The following RNF212 variants were observed in gnomAD, a reference collection of about 807,000 sequenced individuals.
The protein encoded by RNF212 is ring finger protein 212.
RNF212 carries 33 observed loss-of-function variants against 34.7 expected under a neutral mutation model. That is an observed-to-expected ratio of 0.95 (90% CI 0.72 to 1.27). The LOEUF is 1.27. RNF212 is among the 50% of genes most tolerant of loss of function. The pLI, the probability that RNF212 is intolerant of heterozygous loss-of-function variation, is 0.00. For synonymous variants in RNF212, 140 were observed against 136.1 expected, an observed-to-expected ratio of 1.03 and a Z score of -0.20; for missense variants, 377 against 362.2, an observed-to-expected ratio of 1.04 and a Z score of -0.33.
At chr4:1,081,341 G>C in intron 7 of RNF212, 78 bp downstream of exon 7, 1 of 1,223,480 alleles carries the variant, frequency 8.2e-7, no homozygotes, top group Non-Finnish European at 1.2e-6. Flanking sequence ...TGGAGAGGGG[G>C]TGGGGTTGGG....
At chr4:1,074,734 A>G (rs1394508330) in intron 8 of RNF212, among the ~76,000 whole-genome samples, 1 of 152,112 alleles carries the variant, frequency 6.6e-6, no homozygotes, top group Non-Finnish European at 1.5e-5. Context: ...CCTGAAGCTC[A>G]TGACCTCACT....
At chr4:1,088,681 A>C (rs1410686144) in intron 4 of RNF212, among the ~76,000 whole-genome samples, 1 of 152,214 alleles carries the variant, frequency 6.6e-6, no homozygotes, top group East Asian at 1.9e-4. Context: ...GCCCAGAGAA[A>C]AAAAGTAGTT....
chr4:1,082,571 C>T (rs1720526834), intron 5 of RNF212, among the ~76,000 whole-genome samples: 1 of 152,214 alleles, frequency 6.6e-6, no homozygotes, highest in Non-Finnish European at 1.5e-5. Flanking sequence ...ACTGGGGCCT[C>T]CGCTCTGAGT....
intron 2 of RNF212, among the ~76,000 whole-genome samples, chr4:1,098,297 C>G (rs1723378689): frequency 6.6e-6 from 1 of 152,180 alleles, no homozygotes; most frequent in Non-Finnish European, 1.5e-5. Context: ...TGGTAGAAAA[C>G]AGGAAATGAT....
At chr4:1,066,528 A>G (rs1403145142), downstream of RNF212, among the ~76,000 whole-genome samples, 1 of 149,640 alleles carries the variant, frequency 6.7e-6, no homozygotes, top group African/African-American at 2.5e-5. Flanking sequence ...TGGGGGTTTC[A>G]CCATGTTGCC....
intron 5 of RNF212, among the ~76,000 whole-genome samples, chr4:1,083,552 C>T (rs574838478): frequency 6.1e-4 from 93 of 152,218 alleles, no homozygotes; most frequent in African/African-American, 2.2e-3. Flanking sequence ...GCAAGACAAT[C>T]GCTTGAACCC....
intron 3 of RNF212, among the ~76,000 whole-genome samples, chr4:1,092,157 C>T (rs1455638096): frequency 6.6e-6 from 1 of 152,248 alleles, no homozygotes; most frequent in Non-Finnish European, 1.5e-5. Context: ...CTCAGCTTCA[C>T]ATGTTCGTGG....
intron 8 of RNF212, among the ~76,000 whole-genome samples, chr4:1,077,177 G>A (rs111533894): frequency 0.17 from 25,581 of 152,148 alleles, 3,275 homozygotes; most frequent in African/African-American, 0.36. Flanking sequence ...GCAGTGAGCC[G>A]AGATCTCGCC....
chr4:1,073,002 A>G lies in RNF212; in HGVS notation c.766T>C (p.Tyr256His), dbSNP rs1477288218. ...ELTNSKTLPI[Y>H]AEVQRAVLFP... ...AAGACGGCCCTTTGTACCTCAGCATATATTGGAAGTGTTTTAGAGTTGGTG... is the reference window on the plus strand; with the variant it reads ...AAGACGGCCCTTTGTACCTCAGCATGTATTGGAAGTGTTTTAGAGTTGGTG... The change falls in exon 10 of 10, where the codon TAT (tyrosine) becomes CAT (histidine). Residue 256 changes from tyrosine (Y) to histidine (H), a missense_variant. Physicochemically the swap from Tyr to His is moderately conservative, Grantham distance 83 (BLOSUM62 2). Coordinates refer to ENST00000433731, the MANE Select transcript of RNF212 (RefSeq NM_001131034.4). 1.2e-6 allele frequency: 2 copies of G among 1,614,138 alleles called. No individual in the cohort carries two copies. The highest frequency in any genetic ancestry group is 1.3e-5 in the African/African-American group (1 of 75,030).
intron 2 of RNF212, among the ~76,000 whole-genome samples, chr4:1,108,120 C>T (rs747565743): frequency 6.6e-6 from 1 of 152,130 alleles, no homozygotes; most frequent in African/African-American, 2.4e-5. Flanking sequence ...GAACACAGCA[C>T]GATTCAACAA....
chr4:1,082,627 C>T (rs542958546), intron 5 of RNF212, among the ~76,000 whole-genome samples: 1 of 152,340 alleles, frequency 6.6e-6, no homozygotes, highest in Non-Finnish European at 1.5e-5. Flanking sequence ...CATCCTCACC[C>T]AGAGTCACTT....
chr4:1,100,256 T>C (rs1352364535), intron 2 of RNF212: 6 of 274,590 alleles, frequency 2.2e-5, no homozygotes, highest in Non-Finnish European at 4.3e-5. Flanking sequence ...ATTCTGAAAT[T>C]ATTGTTAAGA....
At chr4:1,084,930 A>G (rs1333529365) in intron 5 of RNF212, among the ~76,000 whole-genome samples, 1 of 152,226 alleles carries the variant, frequency 6.6e-6, no homozygotes, top group African/African-American at 2.4e-5. Context: ...TGTCAGGAGC[A>G]AGGCCACCAG....
chr4:1,081,606 G>C lies in RNF212; in HGVS notation c.376C>G (p.Gln126Glu), dbSNP rs991989089. ...IEQLQSMRSS[Q>E]QTAFSTIKSS... ...TTTATTGTGCTGAAAGCTGTTTGTTGTGATGATCTCATACTAAATAGATGG... is the reference window on the plus strand; with the variant it reads ...TTTATTGTGCTGAAAGCTGTTTGTTCTGATGATCTCATACTAAATAGATGG... The change falls in exon 6 of 10, where the codon CAA (glutamine) becomes GAA (glutamate). Residue 126 changes from glutamine to glutamate, a missense_variant. By Grantham distance (29) the Gln-to-Glu change is conservative. Coordinates refer to ENST00000433731, the MANE Select transcript of RNF212 (RefSeq NM_001131034.4). 4.4e-6 allele frequency: 7 copies of C among 1,608,560 alleles called. No individual in the cohort carries two copies. Among genetic ancestry groups the C allele is most frequent in the Non-Finnish European group, 6.0e-6 (7 of 1,175,066 alleles).
intron 7 of RNF212, among the ~76,000 whole-genome samples, chr4:1,080,180 T>C (rs1720098801): frequency 2.0e-5 from 3 of 152,190 alleles, no homozygotes; most frequent in African/African-American, 7.2e-5. Context: ...ATAGGATTCA[T>C]TTTGCGTTGG....
At chr4:1,088,673 C>T (rs1031593493) in intron 4 of RNF212, among the ~76,000 whole-genome samples, 5 of 152,120 alleles carry the variant, frequency 3.3e-5, no homozygotes, top group African/African-American at 1.2e-4. Flanking sequence ...CATCATAGGC[C>T]CAGAGAAAAA....
At chr4:1,060,731 C>T (rs531246722) in intron 3 of RNF212, among the ~76,000 whole-genome samples, 2 of 152,404 alleles carry the variant, frequency 1.3e-5, no homozygotes, top group East Asian at 3.9e-4. Context: ...GCCAGATCCA[C>T]TGTGCTGTGT....
intron 4 of RNF212, among the ~76,000 whole-genome samples, chr4:1,088,554 C>T (rs944291642): frequency 6.6e-6 from 1 of 152,202 alleles, no homozygotes; most frequent in Non-Finnish European, 1.5e-5. Context: ...AACCCATTTT[C>T]TGAGGGGAAA....
At chr4:1,095,107 C>T (rs1425268892) in intron 3 of RNF212, among the ~76,000 whole-genome samples, 1 of 149,924 alleles carries the variant, frequency 6.7e-6, no homozygotes. Flanking sequence ...CTCCCCACAG[C>T]TCCATGGTCT....
Sources: gnomAD v4.1 joint callset for allele counts (sites outside exome capture counted in the v4.1 genomes callset) on GRCh38, gnomAD v4.1.1 for gene constraint, MANE v1.5 for transcripts, NCBI Gene and HGNC (gene_info 2026-07-23, HGNC 2026-07-21) for gene names.